The following ZSCAN5A variants were observed in gnomAD, a reference collection of about 807,000 sequenced individuals.
ZSCAN5A encodes zinc finger and SCAN domain containing 5A.
ZSCAN5A carries 12 observed loss-of-function variants against 23.7 expected under a neutral mutation model. The ratio of observed to expected loss-of-function variants is 0.51; its 90% CI spans 0.32 to 0.82. The LOEUF (loss-of-function observed/expected upper bound fraction) is 0.82, where lower values mean the gene tolerates loss of function less well. Among genes scored for constraint, ZSCAN5A ranks in the 40% least tolerant of loss-of-function variants. The pLI, the probability that ZSCAN5A is intolerant of heterozygous loss-of-function variation, is 0.03. For synonymous variants in ZSCAN5A, 257 were observed against 239.9 expected (o/e 1.07, Z -0.66); for missense variants, 597 against 617.9 (o/e 0.97, Z 0.36).
At chr19:56,238,015 GTCA>G (rs2035103972) in intron 2 of ZSCAN5A, among the ~76,000 whole-genome samples, 2 of 17,416 alleles carry the variant, frequency 1.1e-4, no homozygotes, top group African/African-American at 5.3e-4. Context: ...ACACACACAC[GTCA>G]AAGAAACAAA....
At chr19:56,253,267 CAAAAA>C (rs60969244) in intron 2 of ZSCAN5A, among the ~76,000 whole-genome samples, 43 of 109,072 alleles carry the variant, frequency 3.9e-4, no homozygotes, top group Admixed American at 8.2e-4. Flanking sequence ...GAGGCTGTCT[CAAAAA>C]AAAAAAAAAA....
chr19:56,309,273 A>T (rs1318041867), intron 2 of ZSCAN5A, among the ~76,000 whole-genome samples: 1 of 152,194 alleles, frequency 6.6e-6, no homozygotes, highest in Non-Finnish European at 1.5e-5. Context: ...CAGAAGGCCA[A>T]TTACTAGTTG....
At chr19:56,268,715 G>A (rs77394828) in intron 2 of ZSCAN5A, among the ~76,000 whole-genome samples, 105 of 152,134 alleles carry the variant, frequency 6.9e-4, no homozygotes, top group Middle Eastern at 6.8e-3. Context: ...TTGTTCAACC[G>A]TCACCCACAT....
chr19:56,237,122 T>A (rs774639001), intron 2 of ZSCAN5A, among the ~76,000 whole-genome samples: 2 of 152,250 alleles, frequency 1.3e-5, no homozygotes, highest in African/African-American at 2.4e-5. Flanking sequence ...CCGCTCCCAG[T>A]CTGTGAATTG....
chr19:56,311,692 G>A lies in ZSCAN5A; in HGVS notation c.-128+1591C>T, dbSNP rs111486724. Among the ~76,000 whole-genome samples the A allele has an allele frequency of 3.2e-3, 487 of 152,202 alleles. 1 individual carries two copies. Among genetic ancestry groups the A allele is most frequent in the African/African-American group, 0.011 (462 of 41,512 alleles). On this transcript the variant is annotated intron_variant, in intron 2 of 5. Coordinates refer to ENST00000683990, the MANE Select transcript of ZSCAN5A (RefSeq NM_001322064.3). ...ATATATATATATTTTTAAGTTCCAC[G>A]ATACATGTGCAGGCTGTGCAGTTTT...
rs938830236 is a variant in ZSCAN5A, at chr19:56,225,189, A to G, written c.-127-16T>C. The G allele has an allele frequency of 2.1e-6, 3 of 1,433,730 alleles. No individual in the cohort carries two copies. Among genetic ancestry groups the G allele is most frequent in the Non-Finnish European group, 2.7e-6 (3 of 1,099,438 alleles). 88.8% of individuals were successfully genotyped at this position (1,433,730 alleles called of 1,614,324 possible). On this transcript the variant is annotated splice_polypyrimidine_tract_variant and intron_variant, in intron 2 of 5. Coordinates refer to ENST00000683990, the MANE Select transcript of ZSCAN5A (RefSeq NM_001322064.3). ...ATTCAGAAGTCTGGGGGGGAAAAGT[A>G]TGAGCCTCATTAGTTTAAGTTACTA...
At chr19:56,289,036 T>A (rs1421932982) in intron 2 of ZSCAN5A, among the ~76,000 whole-genome samples, 3 of 152,178 alleles carry the variant, frequency 2.0e-5, no homozygotes, top group Admixed American at 2.0e-4. Context: ...GCATCATCAG[T>A]ACAGATTCTG....
chr19:56,250,791 C>A lies in ZSCAN5A; in HGVS notation c.-127-25618G>T, dbSNP rs149094060. Among the ~76,000 whole-genome samples the A allele has an allele frequency of 1.5e-4, 23 of 152,286 alleles. No individual in the cohort carries two copies. In the East Asian group the frequency reaches 4.2e-3, roughly 28 times the overall value. On this transcript the variant is annotated intron_variant, in intron 2 of 5. Coordinates refer to ENST00000683990, the MANE Select transcript of ZSCAN5A (RefSeq NM_001322064.3). ...GAGTATGAAAGTGAGCAAATCTAAT[C>A]CTGCTGTTACACTCTTTACATTTTA...
Position 56,321,527 on chromosome 19 carries a change from C to A in ZSCAN5A, c.-357-5259G>T, listed in dbSNP as rs2041375571. The A allele has an allele frequency of 1.2e-5, 9 of 731,496 alleles. No homozygotes were observed. The South Asian group carries it at 1.4e-4, about 11-fold the overall frequency. 45.3% of individuals were successfully genotyped at this position (731,496 alleles called of 1,614,324 possible). A position where few individuals can be genotyped will look rare whatever the true frequency, so the allele number is the denominator to read the frequency against. On this transcript the variant is annotated intron_variant, in intron 2 of 6. Transcript: ENST00000587340. ...CATGCACCACTCACACGCACTTTCG[C>A]TGTCTGTCTGGGTGTCTGTCTTCTT...
intron 2 of ZSCAN5A, among the ~76,000 whole-genome samples, chr19:56,259,540 A>G (rs987921896): frequency 1.3e-5 from 2 of 152,116 alleles, no homozygotes; most frequent in African/African-American, 4.8e-5. Context: ...CACTTGTGAG[A>G]TCTATGGAGG....
chr19:56,331,049 T>C (rs2041484065), intron 2 of ZSCAN5A, among the ~76,000 whole-genome samples: 1 of 152,228 alleles, frequency 6.6e-6, no homozygotes, highest in African/African-American at 2.4e-5. Context: ...TCAGCACCAT[T>C]TATTAAATAG....
chr19:56,330,453 T>C (rs1041428589), intron 2 of ZSCAN5A, among the ~76,000 whole-genome samples: 1 of 152,226 alleles, frequency 6.6e-6, no homozygotes, highest in Non-Finnish European at 1.5e-5. Context: ...CCCACCACAG[T>C]GTATAAGCAT....
chr19:56,316,529 ACTAGT>A (rs2041316654), upstream of ZSCAN5A: 1 of 155,136 alleles, frequency 6.4e-6, no homozygotes, highest in African/African-American at 2.4e-5. Flanking sequence ...TTCGTTAAAG[ACTAGT>A]CAAGTGCATT....
At chr19:56,281,880 CG>C (rs2038737450) in intron 2 of ZSCAN5A, among the ~76,000 whole-genome samples, 1 of 152,160 alleles carries the variant, frequency 6.6e-6, no homozygotes, top group South Asian at 2.1e-4. Context: ...GGGGTGGGAA[CG>C]GTGCAACTGG....
intron 2 of ZSCAN5A, among the ~76,000 whole-genome samples, chr19:56,336,616 G>A (rs553332869): frequency 3.9e-5 from 6 of 152,272 alleles, no homozygotes; most frequent in South Asian, 2.1e-4. Context: ...GCTTTGTTCC[G>A]TTGCTGGTGA....
At chr19:56,360,955 A>G (rs1037536257) in intron 2 of ZSCAN5A, among the ~76,000 whole-genome samples, 1 of 152,342 alleles carries the variant, frequency 6.6e-6, no homozygotes, top group East Asian at 1.9e-4. Context: ...ACAAAGGTCT[A>G]ATATTCAGCA....
At chr19:56,268,567 G>A (rs2037630363) in intron 2 of ZSCAN5A, among the ~76,000 whole-genome samples, 4 of 151,940 alleles carry the variant, frequency 2.6e-5, no homozygotes, top group Admixed American at 2.6e-4. Context: ...TGGTAACATG[G>A]GATTTTTAAT....
In ZSCAN5A at chr19:56,314,805, G is replaced by A. The variant is rs1297407056; in HGVS notation, c.-354C>T. ...CTGGCGAGTGGGGCCGGGGAGAGCG[G>A]GACGCCTGGATCGGGAACTTGTCGC... On this transcript the variant is annotated 5_prime_UTR_variant, in exon 1 of 6. Transcript: ENST00000683990. 1 of 152,304 alleles carries A rather than the reference G, an allele frequency of 6.6e-6. No homozygotes were observed. The highest frequency in any genetic ancestry group is 2.4e-5 in the African/African-American group (1 of 41,466). 9.4% of individuals were successfully genotyped at this position (152,304 alleles called of 1,614,324 possible). A position where few individuals can be genotyped will look rare whatever the true frequency, so the allele number is the denominator to read the frequency against.
Position 56,326,433 on chromosome 19 carries a change from A to G in ZSCAN5A, c.-357-10165T>C, listed in dbSNP as rs528500880. Among the ~76,000 whole-genome samples the G allele has an allele frequency of 1.1e-4, 17 of 152,008 alleles. No individual in the cohort carries two copies. The South Asian group carries it at 2.1e-3, about 19-fold the overall frequency. ...TACATTAGGTCTCTAACAGTATTTC[A>G]TCTTATAGCTGAAAGTTTCTGCCCT... On this transcript the variant is annotated intron_variant, in intron 2 of 6. Transcript: ENST00000587340.
Sources: allele counts gnomAD v4.1 joint callset (sites outside exome capture counted in the v4.1 genomes callset), GRCh38; gene constraint gnomAD v4.1.1; transcripts MANE v1.5; gene names NCBI Gene and HGNC (gene_info 2026-07-23, HGNC 2026-07-21).